MYLK: variants seen among roughly 807,000 people sequenced by gnomAD.
MYLK encodes the protein myosin light chain kinase, smooth muscle.
In MYLK, 106 loss-of-function variants were observed where a neutral mutation model predicts 203.4. The ratio of observed to expected loss-of-function variants is 0.52; its 90% CI spans 0.45 to 0.61. The LOEUF (loss-of-function observed/expected upper bound fraction) is 0.61. Ranked by LOEUF, MYLK falls within the 20% of genes least tolerant of loss-of-function variation. MYLK has a pLI of 0.00. For missense variants in MYLK, 2,072 were observed against 2,442.3 expected, an observed-to-expected ratio of 0.85 and a Z score of 3.20; for synonymous variants, 867 against 959.5, an observed-to-expected ratio of 0.90 and a Z score of 1.78.
chr3:123,632,035 AT>A (rs1285523686), intron 29 of MYLK, among the ~76,000 whole-genome samples: 1 of 151,254 alleles, frequency 6.6e-6, no homozygotes, highest in Non-Finnish European at 1.5e-5. Context: ...ACACCCAGCT[AT>A]TTTTTTTGTA....
chr3:123,657,142 T>C lies in MYLK; in HGVS notation c.4272A>G (p.Val1424=). ...EPSQESELTT[V]GEKPEEPKDE... The stretch of plus-strand genomic sequence containing the variant: ...GCAGCCTACCTTCAGGTTTCTCTCC[T>C]ACCGTTGTGAGTTCAGACTCCTGGC... The change falls in exon 24 of 34, where the codon GTA becomes GTG. Residue 1424 remains valine (V), a synonymous_variant. Transcript: ENST00000360304. 6.2e-7 allele frequency: 1 copy of C among 1,614,216 alleles called. No homozygotes were observed. Among genetic ancestry groups the C allele is most frequent in the Non-Finnish European group, 8.5e-7 (1 of 1,180,038 alleles).
In MYLK at chr3:123,733,699, A is replaced by G. The variant is rs886057864; in HGVS notation, c.1297T>C (p.Phe433Leu). ...TACCTCTACTCACCTTCACATCTGA[A>G]CTTGACAGTTTGATTTTCCTTGACC... ...QEVKENQTVKFRCEVSGIPKP... is the reference protein window; with the variant it reads ...QEVKENQTVKLRCEVSGIPKP... The change falls in exon 10 of 34, where the codon TTC becomes CTC. Residue 433 changes from phenylalanine to leucine, a missense_variant. This residue lies in a region of MYLK where 683 missense variants were observed against 643.8 expected (regional missense o/e 1.06). Transcript: ENST00000360304. 38 of 1,614,072 alleles carry G rather than the reference A, an allele frequency of 2.4e-5. No homozygotes were observed. The highest frequency in any genetic ancestry group is 3.2e-5 in the Non-Finnish European group (38 of 1,180,024).
intron 4 of MYLK, among the ~76,000 whole-genome samples, chr3:123,768,844 A>T (rs1415317982): frequency 2.0e-5 from 3 of 152,214 alleles, no homozygotes; most frequent in Non-Finnish European, 4.4e-5. Context: ...AGAAATATGC[A>T]CTGCTGGCAG....
chr3:123,629,344 T>G lies in MYLK; in HGVS notation c.5114+130A>C. The G allele has an allele frequency of 8.6e-7, 1 of 1,157,362 alleles. No individual in the cohort carries two copies. Among genetic ancestry groups the G allele is most frequent in the Non-Finnish European group, 1.2e-6 (1 of 801,862 alleles). 71.7% of individuals were successfully genotyped at this position (1,157,362 alleles called of 1,614,324 possible). ...TCTTACCATGCCCACCCTCCCTTCC[T>G]CAGGGAATGCTAGGAACGACCCAAG... On this transcript the variant is annotated intron_variant, in intron 30 of 33. Transcript: ENST00000360304. The surrounding 1 kb of genome is among the most constrained non-coding windows in gnomAD (Gnocchi z 4.4).
intron 20 of MYLK, among the ~76,000 whole-genome samples, chr3:123,673,040 G>A (rs1337699432): frequency 6.6e-6 from 1 of 152,006 alleles, no homozygotes; most frequent in East Asian, 1.9e-4. Flanking sequence ...TTCTGGAGCT[G>A]GAAATGGGAT....
At chr3:123,803,865 T>C (rs2065278560) in intron 3 of MYLK, among the ~76,000 whole-genome samples, 1 of 152,234 alleles carries the variant, frequency 6.6e-6, no homozygotes, top group Non-Finnish European at 1.5e-5. Context: ...GCTCCTCTGC[T>C]TCTGGCCAGC....
chr3:123,677,022 A>G (rs531553818), intron 20 of MYLK, among the ~76,000 whole-genome samples: 1 of 152,202 alleles, frequency 6.6e-6, no homozygotes, highest in African/African-American at 2.4e-5. Context: ...CCCTCACGCA[A>G]AATTCCCAAG....
At chr3:123,813,415 T>C (rs1334677842) in intron 3 of MYLK, among the ~76,000 whole-genome samples, 1 of 152,116 alleles carries the variant, frequency 6.6e-6, no homozygotes, top group East Asian at 1.9e-4. Flanking sequence ...TTAATCAGGA[T>C]AGACAGCAGA....
intron 2 of MYLK, among the ~76,000 whole-genome samples, chr3:123,848,058 A>G (rs952855870): frequency 3.3e-5 from 5 of 151,914 alleles, no homozygotes; most frequent in African/African-American, 1.2e-4. Context: ...TATAATTGTT[A>G]TTTTACTGCA....
Position 123,708,907 on chromosome 3 carries a change from G to C in MYLK, c.1943-12C>G, listed in dbSNP as rs1398383062. 1.2e-6 allele frequency: 2 copies of C among 1,612,790 alleles called. No homozygotes were observed. The highest frequency in any genetic ancestry group is 2.7e-5 in the African/African-American group (2 of 74,924). ...AGGGGGTGGATTCCCTGAACCAGGAGGAGGGGAAGGGGGATTGGTTAGGGA... is the reference window on the plus strand; with the variant it reads ...AGGGGGTGGATTCCCTGAACCAGGACGAGGGGAAGGGGGATTGGTTAGGGA... On this transcript the variant is annotated splice_polypyrimidine_tract_variant and intron_variant, in intron 14 of 33. Coordinates refer to ENST00000360304, the MANE Select transcript of MYLK (RefSeq NM_053025.4).
At chr3:123,827,645 G>GA in intron 3 of MYLK, among the ~76,000 whole-genome samples, 2 of 128,484 alleles carry the variant, frequency 1.6e-5, no homozygotes, top group Non-Finnish European at 3.2e-5. Context: ...GGCCTTACAA[G>GA]AAATGCTCAA....
At chr3:123,621,894 A>T (rs1272064481) in intron 31 of MYLK, 1 of 152,316 alleles carries the variant, frequency 6.6e-6, no homozygotes, top group Non-Finnish European at 1.5e-5. Flanking sequence ...GTGAGAGATG[A>T]AAACTGAACA....
At position 123,692,829 on chromosome 3, in the gene MYLK, G is replaced by T; in HGVS notation, c.3471C>A (p.Ile1157=). 4 of 1,614,006 alleles carry T rather than the reference G, an allele frequency of 2.5e-6. No homozygotes were observed. The highest frequency in any genetic ancestry group is 3.4e-6 in the Non-Finnish European group (4 of 1,179,966). Residue 1157 remains isoleucine (I), a synonymous_variant, in exon 19 of 34, where the codon ATC becomes ATA. Transcript: ENST00000360304. ...SQEGSLCSVS[I]EKALPEDRGL... is the part of the protein sequence containing the mutation. Reference sequence around the variant, plus strand: ...CTCTGTCCTCAGGCAGTGCCTTCTCGATGGAGACGGAGCAGAGTGAGCCTG... The same window carrying T: ...CTCTGTCCTCAGGCAGTGCCTTCTCTATGGAGACGGAGCAGAGTGAGCCTG...
chr3:123,737,450 C>G lies in MYLK; in HGVS notation c.682G>C (p.Val228Leu), dbSNP rs781483544. ...LEIHGVNQDDVGVYTCLVVNG... is the reference protein window; with the variant it reads ...LEIHGVNQDDLGVYTCLVVNG... ...ACCACCAGGCACGTGTACACTCCCA[C>G]GTCATCTTGGTTGACTCCATGGATT... The change falls in exon 8 of 34, where the codon GTG (valine) becomes CTG (leucine). Residue 228 changes from valine to leucine, a missense_variant. Val to Leu is a conservative substitution (Grantham distance 32, BLOSUM62 1). This residue lies in a region of MYLK where 683 missense variants were observed against 643.8 expected (regional missense o/e 1.06). Transcript: ENST00000360304. 2 of 1,614,228 alleles carry G rather than the reference C, an allele frequency of 1.2e-6. No individual in the cohort carries two copies. The highest frequency in any genetic ancestry group is 2.2e-5 in the South Asian group (2 of 91,074).
At position 123,828,108 on chromosome 3, in the gene MYLK, T is replaced by C. The variant is rs530769334; in HGVS notation, c.-4+3440A>G. ...CTTCACATAAATAGAAAAAAAATCC[T>C]AAACTTTGTATGGAACAATGAAAGG... On this transcript the variant is annotated intron_variant, in intron 3 of 33. Coordinates refer to ENST00000360304, the MANE Select transcript of MYLK (RefSeq NM_053025.4). Among the ~76,000 whole-genome samples the C allele has an allele frequency of 3.9e-5, 6 of 152,052 alleles. No homozygotes were observed. The South Asian group carries it at 1.0e-3, about 26-fold the overall frequency.
chr3:123,713,662 T>C (rs1449626725), intron 13 of MYLK, among the ~76,000 whole-genome samples: 2 of 151,682 alleles, frequency 1.3e-5, no homozygotes, highest in Admixed American at 6.6e-5. Context: ...AAACAAATTA[T>C]TCTGGCTCAT....
intron 11 of MYLK, 152 bp from the exon 12 acceptor site, chr3:123,726,230 G>T: frequency 1.1e-6 from 1 of 934,544 alleles, no homozygotes; most frequent in Non-Finnish European, 1.6e-6. Context: ...TCATGCTTAA[G>T]AAACAGGCAG....
At chr3:123,685,612 G>GAA (rs59215456) in intron 19 of MYLK, among the ~76,000 whole-genome samples, 1 of 112,422 alleles carries the variant, frequency 8.9e-6, no homozygotes, top group African/African-American at 3.4e-5. Context: ...TCCAAAAAAT[G>GAA]AAAAAAAAAA....
At chr3:123,850,399 G>A (rs1363158008) in intron 2 of MYLK, among the ~76,000 whole-genome samples, 1 of 152,158 alleles carries the variant, frequency 6.6e-6, no homozygotes, top group Non-Finnish European at 1.5e-5. Flanking sequence ...ATCCTCTCTA[G>A]CACCTGTTGT....
Sources: gnomAD v4.1 joint callset for allele counts (sites outside exome capture counted in the v4.1 genomes callset) on GRCh38, gnomAD v4.1.1 for gene constraint, gnomAD v4.1.1 regional missense constraint, Gnocchi (gnomAD v3.1) non-coding constraint, MANE v1.5 for transcripts, NCBI Gene and HGNC (gene_info 2026-07-23, HGNC 2026-07-21) for gene names.